WDFY4: variants seen among roughly 807,000 people sequenced by gnomAD.
WDFY4 encodes WD repeat- and FYVE domain-containing protein 4.
Under a neutral mutation model 351.9 loss-of-function variants are expected in WDFY4, and 169 were observed. The observed-to-expected ratio is 0.48, with a 90% confidence interval of 0.42 to 0.55. WDFY4 has a LOEUF of 0.55. WDFY4 is among the 20% of genes least tolerant of loss of function. The pLI, the probability that WDFY4 is intolerant of heterozygous loss-of-function variation, is 0.00. For missense variants in WDFY4, 3,803 were observed against 3,935.6 expected (o/e 0.97, Z 0.90); for synonymous variants, 1,622 against 1,574.6 (o/e 1.03, Z -0.71).
intron 12 of WDFY4, 115 bp from the exon 13 acceptor site, chr10:48,760,232 T>A: frequency 1.1e-6 from 1 of 914,826 alleles, no homozygotes; most frequent in South Asian, 1.6e-5. Flanking sequence ...ATCTAGGTAA[T>A]AAGACAGGAT....
Position 48,734,992 on chromosome 10 carries a change from T to C in WDFY4, c.1688-888T>C, listed in dbSNP as rs141433083. ...TTTTAGTAGAGACGGGGCTTTACCA[T>C]GTTGACCAGGCTGGTCTCAAACTCC... On this transcript the variant is annotated intron_variant, in intron 10 of 61. Coordinates refer to ENST00000325239, the MANE Select transcript of WDFY4 (RefSeq NM_001394531.1). Among the ~76,000 whole-genome samples, 822 of 143,046 alleles carry C rather than the reference T, an allele frequency of 5.7e-3. 6 individuals carry two copies. Among genetic ancestry groups the C allele is most frequent in the African/African-American group, 0.02 (752 of 38,218 alleles). The allele number at this position is 143,046 out of a possible 152,430, so 93.8% of individuals were successfully genotyped here.
rs1841072567 is a variant in WDFY4 at position 48,946,920 on chromosome 10, C to T, written c.7928C>T (p.Ser2643Phe). ...THYSSAIIVA[S>F]YLVRMPPFTQ... is the part of the protein sequence containing the mutation. ...TACTCCTCGGCCATCATCGTGGCCTCCTACCTGGTCCGGATGCCACCCTTC... is the reference window on the plus strand; with the variant it reads ...TACTCCTCGGCCATCATCGTGGCCTTCTACCTGGTCCGGATGCCACCCTTC... The change falls in exon 51 of 62, where the codon TCC becomes TTC. Residue 2643 changes from serine to phenylalanine, a missense_variant. By Grantham distance (155) the Ser-to-Phe change is radical. This residue lies in a region of WDFY4 where 3,054 missense variants were observed against 3,148.6 expected (regional missense o/e 0.97). Coordinates refer to ENST00000325239, the MANE Select transcript of WDFY4 (RefSeq NM_001394531.1). The T allele has an allele frequency of 6.4e-7, 1 of 1,551,892 alleles. No individual in the cohort carries two copies. The highest frequency in any genetic ancestry group is 8.7e-7 in the Non-Finnish European group (1 of 1,147,106).
At chr10:48,695,575 G>A (rs972064330) in intron 1 of WDFY4, among the ~76,000 whole-genome samples, 4 of 152,198 alleles carry the variant, frequency 2.6e-5, no homozygotes, top group Admixed American at 2.6e-4. Context: ...TTTTCTAAGA[G>A]TAGAGAACAT....
chr10:48,966,461 G>A, intron 54 of WDFY4, 65 bp from the exon 55 acceptor site: 1 of 1,498,912 alleles, frequency 6.7e-7, no homozygotes, highest in Non-Finnish European at 9.0e-7. Context: ...GCTACAGTGT[G>A]CACAGGGACG....
chr10:48,824,175 A>G, intron 35 of WDFY4: 3 of 985,438 alleles, frequency 3.0e-6, no homozygotes, highest in Non-Finnish European at 3.6e-6. Flanking sequence ...CCAGTAGATG[A>G]TATGGTGGTT....
chr10:48,865,535 C>A (rs1245334465), intron 39 of WDFY4, among the ~76,000 whole-genome samples: 1 of 152,054 alleles, frequency 6.6e-6, no homozygotes, highest in South Asian at 2.1e-4. Context: ...TCTAGTAAAG[C>A]CTTTGTCTGT....
Position 48,806,225 on chromosome 10 carries a change from AGCCGTG to A in WDFY4, c.4738+134_4738+139del, listed in dbSNP as rs960045163. 2.3e-5 allele frequency: 19 copies of A among 836,808 alleles called. No individual in the cohort carries two copies. In the African/African-American group the frequency reaches 3.0e-4, roughly 13 times the overall value. 51.8% of individuals were successfully genotyped at this position (836,808 alleles called of 1,614,324 possible). On this transcript the variant is annotated intron_variant, in intron 27 of 61. Transcript: ENST00000325239. ...ACCCACAGCCAAGCCGTGGTTTCCA[AGCCGTG>A]GCCTGTGAGGCTGTCATTTTATGAT...
At chr10:48,710,025 T>A (rs1007619504) in intron 2 of WDFY4, 59 bp downstream of exon 2, 1 of 1,424,764 alleles carries the variant, frequency 7.0e-7, no homozygotes, top group South Asian at 1.4e-5. Context: ...ACTTCTGGGA[T>A]GATTGCATAG....
intron 19 of WDFY4, among the ~76,000 whole-genome samples, chr10:48,780,741 C>T (rs763945059): frequency 1.1e-4 from 16 of 152,056 alleles, no homozygotes; most frequent in African/African-American, 2.4e-4. Flanking sequence ...AGAGAGGGCC[C>T]GGAGGACCAT....
chr10:48,815,153 A>G (rs192727526), intron 31 of WDFY4, among the ~76,000 whole-genome samples: 1 of 152,342 alleles, frequency 6.6e-6, no homozygotes, highest in Admixed American at 6.5e-5. Context: ...AGATTGCATT[A>G]GTCATTATGC....
At chr10:48,847,304 A>G (rs1390560059) in intron 39 of WDFY4, among the ~76,000 whole-genome samples, 1 of 152,138 alleles carries the variant, frequency 6.6e-6, no homozygotes, top group Non-Finnish European at 1.5e-5. Context: ...CTTTAACTTT[A>G]TCACCTCTTT....
chr10:48,773,009 G>A (rs560597019), intron 13 of WDFY4, among the ~76,000 whole-genome samples: 10 of 152,100 alleles, frequency 6.6e-5, no homozygotes, highest in East Asian at 5.8e-4. Flanking sequence ...ATAAACATAC[G>A]TGTGCATGTG....
chr10:48,692,162 T>A (rs2063212605), intron 1 of WDFY4, among the ~76,000 whole-genome samples: 1 of 152,008 alleles, frequency 6.6e-6, no homozygotes, highest in South Asian at 2.1e-4. Flanking sequence ...GTGTGTAGGG[T>A]GATTGAATGG....
In WDFY4 at chr10:48,933,987, G is replaced by A. The variant is rs778682167; in HGVS notation, c.7587-7819G>A. 3.3e-5 allele frequency among the ~76,000 whole-genome samples: 5 copies of A among 152,220 alleles called. No homozygotes were observed. The South Asian group carries it at 6.2e-4, about 19-fold the overall frequency. Reference sequence around the variant, plus strand: ...AAACCGGTCTGCAGACAACCACAGGGCTCAGGGGCCCTGCAGGGTGGACAG... The same window carrying A: ...AAACCGGTCTGCAGACAACCACAGGACTCAGGGGCCCTGCAGGGTGGACAG... On this transcript the variant is annotated intron_variant, in intron 47 of 61. Coordinates refer to ENST00000325239, the MANE Select transcript of WDFY4 (RefSeq NM_001394531.1).
intron 43 of WDFY4, among the ~76,000 whole-genome samples, chr10:48,883,493 C>T (rs1475908757): frequency 6.6e-6 from 1 of 152,118 alleles, no homozygotes; most frequent in Non-Finnish European, 1.5e-5. Context: ...TGGGACTTCC[C>T]GTAATTCAGA....
chr10:48,771,516 C>T (rs1050748678), intron 13 of WDFY4, among the ~76,000 whole-genome samples: 7 of 152,192 alleles, frequency 4.6e-5, no homozygotes, highest in Admixed American at 4.6e-4. Flanking sequence ...AGAAAAGGGC[C>T]TGCTGCAGCC....
chr10:48,810,956 C>T (rs1019543266), intron 29 of WDFY4, among the ~76,000 whole-genome samples: 9 of 152,186 alleles, frequency 5.9e-5, no homozygotes, highest in African/African-American at 1.7e-4. Flanking sequence ...AGGCTGCCTT[C>T]CATTCCTCCC....
intron 11 of WDFY4, 200 bp downstream of exon 11, chr10:48,736,270 A>T (rs1871600): frequency 0.33 from 216,926 of 649,870 alleles, 40,054 homozygotes; most frequent in Admixed American, 0.4. Flanking sequence ...TTTCTTTGCA[A>T]CATACAGTCC....
chr10:48,782,954 AGAG>A (rs2066277042), intron 19 of WDFY4, among the ~76,000 whole-genome samples: 1 of 152,128 alleles, frequency 6.6e-6, no homozygotes, highest in Non-Finnish European at 1.5e-5. Flanking sequence ...TGTGGGAGAG[AGAG>A]GAGGACTCTG....
Sources: gnomAD v4.1 joint callset for allele counts (sites outside exome capture counted in the v4.1 genomes callset) on GRCh38, gnomAD v4.1.1 for gene constraint, gnomAD v4.1.1 regional missense constraint, MANE v1.5 for transcripts, NCBI Gene and HGNC (gene_info 2026-07-23, HGNC 2026-07-21) for gene names.